Variants in UBE2D2 observed in about 807,000 individuals in gnomAD.
The protein encoded by UBE2D2 is ubiquitin-conjugating enzyme E2 D2.
A neutral mutation model predicts 24.2 loss-of-function variants in UBE2D2; 2 were observed. The observed-to-expected ratio is 0.08, with a 90% CI of 0.03 to 0.26. The LOEUF (loss-of-function observed/expected upper bound fraction) is 0.26, where lower values mean the gene tolerates loss of function less well. Ranked by LOEUF, UBE2D2 falls within the 10% of genes least tolerant of loss-of-function variation. The pLI is 1.00. For missense variants in UBE2D2, 44 were observed against 177.6 expected (o/e 0.25, Z 4.28); for synonymous variants, 58 against 56.5 (o/e 1.03, Z -0.12).
chr5:139,541,315 G>C (rs556261539), intron 1 of UBE2D2, among the ~76,000 whole-genome samples: 197 of 146,728 alleles, frequency 1.3e-3, no homozygotes, highest in Non-Finnish European at 2.5e-3. Context: ...AAAAAAAAGC[G>C]GGGGGACCGG....
chr5:139,613,181 C>T (rs1754358762), intron 2 of UBE2D2, among the ~76,000 whole-genome samples: 1 of 152,176 alleles, frequency 6.6e-6, no homozygotes, highest in Non-Finnish European at 1.5e-5. Flanking sequence ...CAGTGAGCAA[C>T]AAACCAACTT....
At chr5:139,579,773 C>A (rs541999649) in intron 1 of UBE2D2, among the ~76,000 whole-genome samples, 8 of 151,974 alleles carry the variant, frequency 5.3e-5, no homozygotes, top group African/African-American at 1.7e-4. Flanking sequence ...AGATGTTGGG[C>A]GCGGTGGCTC....
At chr5:139,617,889 A>G (rs1203462524) in intron 5 of UBE2D2, among the ~76,000 whole-genome samples, 1 of 152,220 alleles carries the variant, frequency 6.6e-6, no homozygotes, top group Admixed American at 6.5e-5. Context: ...CTGGGGATAA[A>G]GGCACAGTTG....
At chr5:139,532,299 C>A (rs1326697658) in intron 1 of UBE2D2, among the ~76,000 whole-genome samples, 1 of 151,218 alleles carries the variant, frequency 6.6e-6, no homozygotes, top group Non-Finnish European at 1.5e-5. Flanking sequence ...CTGCCTCAGC[C>A]TCCCCAGTAG....
At chr5:139,607,560 G>A (rs1300808990) in intron 2 of UBE2D2, among the ~76,000 whole-genome samples, 1 of 152,156 alleles carries the variant, frequency 6.6e-6, no homozygotes, top group Non-Finnish European at 1.5e-5. Flanking sequence ...AGTGTTATTA[G>A]AATGTGAATA....
chr5:139,604,140 CTT>C (rs558742235), intron 2 of UBE2D2, among the ~76,000 whole-genome samples: 12 of 140,308 alleles, frequency 8.6e-5, no homozygotes, highest in Admixed American at 1.4e-4. Flanking sequence ...ATTTTTAAAA[CTT>C]TTTTTTTTTT....
intron 2 of UBE2D2, among the ~76,000 whole-genome samples, chr5:139,601,331 T>G (rs949622413): frequency 2.0e-5 from 3 of 152,174 alleles, no homozygotes; most frequent in African/African-American, 7.2e-5. Context: ...TGGTTGGGTG[T>G]GATGGCTCAT....
At chr5:139,616,217 T>C (rs1362206646) in intron 5 of UBE2D2, among the ~76,000 whole-genome samples, 1 of 150,740 alleles carries the variant, frequency 6.6e-6, no homozygotes, top group Admixed American at 6.6e-5. Flanking sequence ...CCCAGCACTT[T>C]GGGAGGCCGA....
At chr5:139,595,162 A>C (rs1479363867) in intron 1 of UBE2D2, among the ~76,000 whole-genome samples, 1 of 152,234 alleles carries the variant, frequency 6.6e-6, no homozygotes, top group Non-Finnish European at 1.5e-5. Context: ...TAGAAAGTTG[A>C]AATTAATGTA....
chr5:139,560,779 A>G (rs533905124), upstream of UBE2D2, among the ~76,000 whole-genome samples: 12 of 152,294 alleles, frequency 7.9e-5, no homozygotes, highest in South Asian at 2.5e-3. Context: ...CTGAGAACAC[A>G]ACATTCAAAT....
rs185274081 is a variant in UBE2D2, at chr5:139,597,982, A to G, written c.25-2390A>G. On this transcript the variant is annotated intron_variant, in intron 1 of 6. Coordinates refer to ENST00000398733, the MANE Select transcript of UBE2D2 (RefSeq NM_003339.3). ...AGTGGCGTGATCTTGGCTCACTGCC[A>G]GCTCCACCTCCCGGGTTCACACCAT... 4.9e-4 allele frequency among the ~76,000 whole-genome samples: 74 copies of G among 152,160 alleles called. No homozygotes were observed. The East Asian group carries it at 0.014, about 29-fold the overall frequency.
At chr5:139,598,734 G>GT (rs367626700) in intron 1 of UBE2D2, among the ~76,000 whole-genome samples, 15 of 150,546 alleles carry the variant, frequency 1.0e-4, no homozygotes, top group East Asian at 5.9e-4. Context: ...CTAATTTTGT[G>GT]TTTTTTTAGT....
At chr5:139,600,298 A>G in intron 1 of UBE2D2, 74 bp from the exon 2 acceptor site, 1 of 1,465,050 alleles carries the variant, frequency 6.8e-7, no homozygotes, top group Non-Finnish European at 9.5e-7. Flanking sequence ...AATATTGGTA[A>G]CAATATAAAC....
chr5:139,530,318 C>G (rs1226249736), intron 1 of UBE2D2, among the ~76,000 whole-genome samples: 1 of 152,170 alleles, frequency 6.6e-6, no homozygotes, highest in Admixed American at 6.6e-5. Flanking sequence ...TAATTGGCAC[C>G]ATTAAGCCAT....
chr5:139,582,284 A>T (rs1224460262), intron 1 of UBE2D2, among the ~76,000 whole-genome samples: 2 of 147,970 alleles, frequency 1.4e-5, no homozygotes, highest in East Asian at 4.0e-4. Flanking sequence ...TTTTTTTGAG[A>T]TGGAGTTTTG....
intron 2 of UBE2D2, among the ~76,000 whole-genome samples, chr5:139,606,774 G>T (rs1276797991): frequency 6.6e-6 from 1 of 152,016 alleles, no homozygotes; most frequent in African/African-American, 2.4e-5. Context: ...TATTTTGGGG[G>T]TCCTTTTTAC....
At position 139,548,193 on chromosome 5, in the gene UBE2D2, A is replaced by AAAAAAAAAAAAAAAATAAATAAAT; in HGVS notation, c.-64+21584_-64+21585insAAAAAAAAAAAATAAATAAATAAA. ...AAAAAAAAAAAAAAAATAAAAAAAAAAAATAAATAAATAAATAAATAAACG... is the reference window on the plus strand; with the variant it reads ...AAAAAAAAAAAAAAAATAAAAAAAAAAAAAAAAAAAAAAAATAAATAAATAAATAAATAAATAAATAAATAAACG... On this transcript the variant is annotated intron_variant, in intron 1 of 6. Coordinates refer to the UBE2D2 transcript ENST00000511725. Among the ~76,000 whole-genome samples, 13 of 47,094 alleles carry AAAAAAAAAAAAAAAATAAATAAAT rather than the reference A, an allele frequency of 2.8e-4. 1 individual carries two copies. The highest frequency in any genetic ancestry group is 4.2e-4 in the Non-Finnish European group (11 of 26,342). The allele number at this position is 47,094 out of a possible 152,430, so 30.9% of individuals were successfully genotyped here.
chr5:139,603,506 C>A (rs922027350), intron 2 of UBE2D2, among the ~76,000 whole-genome samples: 1 of 151,480 alleles, frequency 6.6e-6, no homozygotes, highest in Admixed American at 6.6e-5. Flanking sequence ...GCCTATAATC[C>A]CAGCTACCTA....
intron 1 of UBE2D2, among the ~76,000 whole-genome samples, chr5:139,531,206 G>T (rs11742774): frequency 2.8e-4 from 43 of 152,252 alleles, no homozygotes; most frequent in Middle Eastern, 3.4e-3. Flanking sequence ...AGGCCTGAAA[G>T]CAGGCCTGGG....
Sources: gnomAD v4.1 joint callset for allele counts (sites outside exome capture counted in the v4.1 genomes callset) on GRCh38, gnomAD v4.1.1 for gene constraint, MANE v1.5 for transcripts, NCBI Gene and HGNC (gene_info 2026-07-23, HGNC 2026-07-21) for gene names.